Variants in PLCL1 observed in about 807,000 individuals in gnomAD.
The protein encoded by PLCL1 is phospholipase C like 1 (inactive), also known as inactive phospholipase C-like protein 1.
A neutral mutation model predicts 84.4 loss-of-function variants in PLCL1; 41 were observed. The ratio of observed to expected loss-of-function variants is 0.49; its 90% confidence interval spans 0.38 to 0.63. PLCL1 has a LOEUF of 0.63. Among genes scored for constraint, PLCL1 ranks in the 30% least tolerant of loss-of-function variants. The probability of loss-of-function intolerance (pLI) is 0.00; values close to 1 mark genes in which losing one functional copy is unlikely to be tolerated. For synonymous variants in PLCL1, 490 were observed against 488.3 expected (o/e 1.00, Z -0.05); for missense variants, 1,206 against 1,367.8 (o/e 0.88, Z 1.87).
Position 198,085,376 on chromosome 2 carries a change from C to T in PLCL1, c.1859C>T (p.Ala620Val). The T allele has an allele frequency of 6.2e-7, 1 of 1,611,332 alleles. No homozygotes were observed. Among genetic ancestry groups the T allele is most frequent in the Non-Finnish European group, 8.5e-7 (1 of 1,177,898 alleles). The part of the protein sequence containing the change: ...WEMCSFSETE[A>V]SRIANEYPED... ...ATGTGTTCATTTAGTGAAACAGAGG[C>T]CAGCCGCATTGCAAATGAGTACCCA... Residue 620 changes from alanine (A) to valine (V), a missense_variant, in exon 2 of 6, where the codon GCC becomes GTC. By Grantham distance (64) the Ala-to-Val change is moderately conservative (BLOSUM62 0). Coordinates refer to ENST00000428675, the MANE Select transcript of PLCL1 (RefSeq NM_006226.4). This position sits in a 1 kb window ranked among gnomAD's most constrained non-coding sequence, Gnocchi z 5.3.
At chr2:197,857,947 T>C (rs1687359869) in intron 1 of PLCL1, among the ~76,000 whole-genome samples, 1 of 152,086 alleles carries the variant, frequency 6.6e-6, no homozygotes, top group East Asian at 1.9e-4. Context: ...GGGCATTTAC[T>C]CTGCAGTTTC....
At chr2:198,058,418 C>T (rs1692116233) in intron 1 of PLCL1, among the ~76,000 whole-genome samples, 2 of 151,868 alleles carry the variant, frequency 1.3e-5, no homozygotes, top group Non-Finnish European at 2.9e-5. Context: ...AGTTTCGATA[C>T]ATCAAAATAA....
In PLCL1 at chr2:198,095,254, GA is replaced by G. The variant is rs778783526; in HGVS notation, c.2920-6030del. On this transcript the variant is annotated intron_variant, in intron 3 of 5. Coordinates refer to ENST00000428675, the MANE Select transcript of PLCL1 (RefSeq NM_006226.4). ...TCTTTTTTGGCTCAGGTCTCTGAAAGAGCAAGCATCACTTCCCCACTCTGGA... is the reference window on the plus strand; with the variant it reads ...TCTTTTTTGGCTCAGGTCTCTGAAAGGCAAGCATCACTTCCCCACTCTGGA... Among the ~76,000 whole-genome samples the G allele has an allele frequency of 1.9e-3, 285 of 152,268 alleles. 2 individuals are homozygous for G. The highest frequency in any genetic ancestry group is 0.01 in the Middle Eastern group (3 of 294).
intron 1 of PLCL1, chr2:197,810,432 T>C (rs1267774810): frequency 2.5e-6 from 1 of 399,144 alleles, no homozygotes; most frequent in African/African-American, 2.1e-5. Context: ...GGAAAATATA[T>C]TAAGGCTAAA....
intron 1 of PLCL1, among the ~76,000 whole-genome samples, chr2:197,958,376 G>GC (rs1689533824): frequency 6.7e-6 from 1 of 148,236 alleles, no homozygotes. Context: ...AAAAAGAATC[G>GC]CAAAAAAAAA....
At chr2:197,873,899 C>A (rs941742770) in intron 1 of PLCL1, among the ~76,000 whole-genome samples, 1 of 152,102 alleles carries the variant, frequency 6.6e-6, no homozygotes, top group Non-Finnish European at 1.5e-5. Context: ...TTGTTGGAAA[C>A]CCAGTGTAGT....
intron 1 of PLCL1, among the ~76,000 whole-genome samples, chr2:197,815,984 C>T (rs935444446): frequency 1.1e-4 from 17 of 152,154 alleles, no homozygotes; most frequent in African/African-American, 4.1e-4. Context: ...TAGAATATTA[C>T]ATAAACCTAT....
At chr2:197,843,067 T>G (rs1356505395) in intron 1 of PLCL1, among the ~76,000 whole-genome samples, 2 of 152,210 alleles carry the variant, frequency 1.3e-5, no homozygotes, top group African/African-American at 4.8e-5. Flanking sequence ...CTCATATTTC[T>G]TTATTCATCT....
chr2:197,927,692 G>A (rs1688858463), intron 1 of PLCL1, among the ~76,000 whole-genome samples: 1 of 152,158 alleles, frequency 6.6e-6, no homozygotes, highest in Admixed American at 6.6e-5. Flanking sequence ...GGACTACTTG[G>A]GAGGAGGGAT....
chr2:198,142,528 T>C (rs2105946822), intron 5 of PLCL1, among the ~76,000 whole-genome samples: 1 of 152,312 alleles, frequency 6.6e-6, no homozygotes, highest in African/African-American at 2.4e-5. Flanking sequence ...GAATGCTTAA[T>C]GTTTGTTTTT....
intron 1 of PLCL1, among the ~76,000 whole-genome samples, chr2:198,020,490 C>T (rs1691106122): frequency 6.6e-6 from 1 of 151,532 alleles, no homozygotes; most frequent in Non-Finnish European, 1.5e-5. Context: ...ATTCAGGAGA[C>T]CCATCTCATG....
rs531695991 is a variant in PLCL1, at chr2:198,039,857, C to T, written c.241-43901C>T. Among the ~76,000 whole-genome samples the T allele has an allele frequency of 1.1e-3, 169 of 152,218 alleles. 1 individual carries two copies. The highest frequency in any genetic ancestry group is 3.2e-4 in the Non-Finnish European group (22 of 68,014). On this transcript the variant is annotated intron_variant, in intron 1 of 5. Transcript: ENST00000428675. ...TTCTCTGCAAGATTGGTCAATATTC[C>T]TTTTTCAGCTGCTATGTTCTAGAAA...
chr2:197,871,293 T>C (rs1253447377), intron 1 of PLCL1, among the ~76,000 whole-genome samples: 1 of 152,074 alleles, frequency 6.6e-6, no homozygotes, highest in Non-Finnish European at 1.5e-5. Context: ...CTTCCCTACA[T>C]CCCTGGCTTT....
chr2:198,071,968 A>G (rs1692474935), intron 1 of PLCL1, among the ~76,000 whole-genome samples: 1 of 151,850 alleles, frequency 6.6e-6, no homozygotes, highest in African/African-American at 2.4e-5. Context: ...TAATTGAATA[A>G]TGTATTGTTT....
intron 1 of PLCL1, among the ~76,000 whole-genome samples, chr2:198,036,726 C>G (rs1476623065): frequency 6.6e-6 from 1 of 152,184 alleles, no homozygotes; most frequent in Non-Finnish European, 1.5e-5. Context: ...CTACACAAAA[C>G]TTTGCTACTA....
intron 1 of PLCL1, among the ~76,000 whole-genome samples, chr2:197,904,884 G>C (rs1688345861): frequency 6.6e-6 from 1 of 152,034 alleles, no homozygotes; most frequent in South Asian, 2.1e-4. Context: ...AGTATTATTA[G>C]CTCTAATATT....
intron 1 of PLCL1, among the ~76,000 whole-genome samples, chr2:197,994,164 G>T (rs1690407148): frequency 6.6e-6 from 1 of 152,140 alleles, no homozygotes; most frequent in African/African-American, 2.4e-5. Context: ...GGGAAGATGA[G>T]ACTCATAGCA....
chr2:198,149,149 T>C lies in PLCL1; in HGVS notation c.*2187T>C, dbSNP rs1288140968. The C allele has an allele frequency of 6.6e-6, 1 of 152,308 alleles. No individual in the cohort carries two copies. The highest frequency in any genetic ancestry group is 1.5e-5 in the Non-Finnish European group (1 of 68,036). 9.4% of individuals were successfully genotyped at this position (152,308 alleles called of 1,614,324 possible). On this transcript the variant is annotated 3_prime_UTR_variant, in exon 6 of 6. Transcript: ENST00000428675. ...AAAAGTCTCCTAGTCTCCTGTGATG[T>C]TCCTGCCTCCAGATAGAATAGCAAA...
intron 1 of PLCL1, among the ~76,000 whole-genome samples, chr2:198,071,323 C>T (rs1692459933): frequency 6.6e-6 from 1 of 151,866 alleles, no homozygotes; most frequent in South Asian, 2.1e-4. Flanking sequence ...TATCTTTGCT[C>T]ATTTACTCAA....
Sources: gnomAD v4.1 joint callset for allele counts (sites outside exome capture counted in the v4.1 genomes callset) on GRCh38, gnomAD v4.1.1 for gene constraint, Gnocchi (gnomAD v3.1) non-coding constraint, MANE v1.5 for transcripts, NCBI Gene and HGNC (gene_info 2026-07-23, HGNC 2026-07-21) for gene names.